The following SYN3 variants were observed in gnomAD, a reference collection of about 807,000 sequenced individuals.
SYN3 encodes the protein synapsin III.
SYN3 carries 35 observed loss-of-function variants against 65.8 expected under a neutral mutation model. The ratio of observed to expected loss-of-function variants is 0.53; its 90% CI spans 0.41 to 0.70. The LOEUF (loss-of-function observed/expected upper bound fraction) is 0.70. SYN3 is among the 30% of genes least tolerant of loss of function. SYN3 has a pLI of 0.00. For synonymous variants in SYN3, 270 were observed against 292.9 expected (o/e 0.92, Z 0.80); for missense variants, 680 against 749.0 (o/e 0.91, Z 1.08).
chr22:32,746,814 G>T (rs1180594895), intron 6 of SYN3, among the ~76,000 whole-genome samples: 2 of 152,180 alleles, frequency 1.3e-5, no homozygotes, highest in Non-Finnish European at 2.9e-5. Context: ...TTGTGGACTT[G>T]AATGGGACTG....
At chr22:32,932,680 T>G (rs905107025) in intron 3 of SYN3, among the ~76,000 whole-genome samples, 1 of 152,178 alleles carries the variant, frequency 6.6e-6, no homozygotes, top group Non-Finnish European at 1.5e-5. Context: ...GGATTTCTGT[T>G]GCTTACAACC....
intron 6 of SYN3, among the ~76,000 whole-genome samples, chr22:32,742,100 C>T (rs1311679291): frequency 1.3e-5 from 2 of 151,898 alleles, no homozygotes; most frequent in African/African-American, 4.8e-5. Flanking sequence ...GGTAAAACCC[C>T]ACCTCTACTA....
intron 1 of SYN3, among the ~76,000 whole-genome samples, chr22:33,012,814 C>G (rs1012082): frequency 0.45 from 67,857 of 152,156 alleles, 15,436 homozygotes; most frequent in Middle Eastern, 0.54. Flanking sequence ...TGAGTTCCAG[C>G]TGCTCCATGC....
intron 7 of SYN3, among the ~76,000 whole-genome samples, chr22:32,580,925 G>A (rs1052594270): frequency 1.3e-5 from 2 of 152,168 alleles, no homozygotes; most frequent in Non-Finnish European, 2.9e-5. Flanking sequence ...CCAGGCAGGC[G>A]GGACTGCAGA....
At chr22:32,591,709 C>A (rs1023621240) in intron 7 of SYN3, among the ~76,000 whole-genome samples, 1 of 152,196 alleles carries the variant, frequency 6.6e-6, no homozygotes, top group Non-Finnish European at 1.5e-5. Flanking sequence ...CCTTGATACT[C>A]CAGTAGTCCC....
intron 6 of SYN3, among the ~76,000 whole-genome samples, chr22:32,711,384 A>G (rs2147249162): frequency 6.6e-6 from 1 of 152,358 alleles, no homozygotes; most frequent in African/African-American, 2.4e-5. Flanking sequence ...GCAGTGAGAA[A>G]TAGGTCTGAA....
chr22:32,541,104 G>C (rs1194705765), intron 8 of SYN3, among the ~76,000 whole-genome samples: 2 of 152,190 alleles, frequency 1.3e-5, no homozygotes, highest in Non-Finnish European at 2.9e-5. Context: ...TGCAGGCAGA[G>C]AAATCTGGTG....
intron 3 of SYN3, among the ~76,000 whole-genome samples, chr22:32,963,723 G>T (rs1365024711): frequency 6.6e-6 from 1 of 152,190 alleles, no homozygotes; most frequent in African/African-American, 2.4e-5. Flanking sequence ...AACGAGGCTG[G>T]TGCCAGGTTA....
intron 6 of SYN3, among the ~76,000 whole-genome samples, chr22:32,661,150 A>G (rs1439095169): frequency 6.6e-6 from 1 of 152,238 alleles, no homozygotes; most frequent in Non-Finnish European, 1.5e-5. Context: ...CTTCTCTAAC[A>G]GAGGGAGAGA....
chr22:33,009,195 A>G (rs2053284797), intron 1 of SYN3, among the ~76,000 whole-genome samples: 1 of 152,090 alleles, frequency 6.6e-6, no homozygotes, highest in African/African-American at 2.4e-5. Context: ...CTAAATAAGA[A>G]ACTGTCAAAA....
intron 1 of SYN3, among the ~76,000 whole-genome samples, chr22:33,050,406 T>C (rs1398659514): frequency 7.0e-6 from 1 of 143,102 alleles, no homozygotes; most frequent in Admixed American, 7.5e-5. Flanking sequence ...TCTCTGAGCC[T>C]GGGAGGTGGA....
At chr22:32,750,554 C>T (rs1385542993) in intron 6 of SYN3, among the ~76,000 whole-genome samples, 1 of 152,108 alleles carries the variant, frequency 6.6e-6, no homozygotes, top group East Asian at 1.9e-4. Context: ...ATGACTTAGA[C>T]TCTTTGTGGG....
intron 6 of SYN3, among the ~76,000 whole-genome samples, chr22:32,793,809 A>G (rs1208047076): frequency 6.6e-6 from 1 of 152,252 alleles, no homozygotes; most frequent in Non-Finnish European, 1.5e-5. Flanking sequence ...ACATTCATGC[A>G]CCATGCTTGT....
At chr22:32,843,771 C>G (rs1006249808) in intron 6 of SYN3, among the ~76,000 whole-genome samples, 9 of 152,178 alleles carry the variant, frequency 5.9e-5, no homozygotes, top group African/African-American at 2.2e-4. Context: ...GCAGCCCCTT[C>G]CCTGGGACTG....
At chr22:32,786,814 G>A (rs2145858696) in intron 6 of SYN3, among the ~76,000 whole-genome samples, 1 of 152,144 alleles carries the variant, frequency 6.6e-6, no homozygotes, top group East Asian at 1.9e-4. Context: ...ATTTTCAAAA[G>A]CTCATGGTGG....
chr22:32,825,152 G>A (rs1476973724), intron 6 of SYN3, among the ~76,000 whole-genome samples: 1 of 152,110 alleles, frequency 6.6e-6, no homozygotes, highest in African/African-American at 2.4e-5. Context: ...GGGAGGACTT[G>A]GGGGAGGGAT....
chr22:32,976,970 G>T (rs190117794), intron 3 of SYN3, among the ~76,000 whole-genome samples: 1 of 148,880 alleles, frequency 6.7e-6, no homozygotes, highest in East Asian at 2.0e-4. Flanking sequence ...TTTCCCAAGT[G>T]CTAAAGGATG....
intron 6 of SYN3, among the ~76,000 whole-genome samples, chr22:32,785,497 G>T (rs898178228): frequency 2.0e-5 from 3 of 152,198 alleles, no homozygotes; most frequent in Non-Finnish European, 1.5e-5. Context: ...CTGGCTCCCA[G>T]CAAGTGGGAG....
chr22:32,813,078 G>A (rs2046955992), intron 6 of SYN3, among the ~76,000 whole-genome samples: 1 of 152,162 alleles, frequency 6.6e-6, no homozygotes, highest in East Asian at 1.9e-4. Flanking sequence ...TCCATGCCAT[G>A]TCACAAACCC....
Sources: gnomAD v4.1 joint callset for allele counts (sites outside exome capture counted in the v4.1 genomes callset) on GRCh38, gnomAD v4.1.1 for gene constraint, MANE v1.5 for transcripts, NCBI Gene and HGNC (gene_info 2026-07-23, HGNC 2026-07-21) for gene names.